Variants in CLVS2 observed in about 807,000 individuals in gnomAD.
CLVS2 encodes the protein clavesin-2.
In CLVS2, 19 loss-of-function variants were observed where a neutral mutation model predicts 29.0. The observed-to-expected ratio is 0.66, with a 90% CI of 0.46 to 0.96. The LOEUF (loss-of-function observed/expected upper bound fraction) is 0.96, where lower values mean the gene tolerates loss of function less well. Among genes scored for constraint, CLVS2 ranks in the 40% least tolerant of loss-of-function variants. The probability of loss-of-function intolerance (pLI) is 0.00; values close to 1 mark genes in which losing one functional copy is unlikely to be tolerated. For missense variants in CLVS2, 294 were observed against 404.1 expected (o/e 0.73, Z 2.34); for synonymous variants, 161 against 151.3 (o/e 1.06, Z -0.47).
chr6:123,031,769 A>T (rs1425024510), intron 3 of CLVS2, among the ~76,000 whole-genome samples: 2 of 151,652 alleles, frequency 1.3e-5, no homozygotes, highest in Admixed American at 6.6e-5. Flanking sequence ...ACACCCAGGG[A>T]TGTATTGGAA....
chr6:122,997,829 C>T lies in CLVS2; in HGVS notation c.52C>T (p.Leu18=). ...CCCTGAGACCCTGGAGAAAGCTCGC[C>T]TGGAGCTCAATGAAAACCCAGACAC... is the stretch of plus-strand genomic sequence containing the variant. ...LSPETLEKAR[L]ELNENPDTLH... Residue 18 remains leucine (L), a synonymous_variant, in exon 2 of 6, where the codon CTG becomes TTG. Transcript: ENST00000275162. 6.2e-7 allele frequency: 1 copy of T among 1,614,112 alleles called. No homozygotes were observed.
intron 3 of CLVS2, among the ~76,000 whole-genome samples, chr6:123,038,121 G>A (rs760867896): frequency 6.6e-6 from 1 of 152,076 alleles, no homozygotes; most frequent in Non-Finnish European, 1.5e-5. Flanking sequence ...TGTTCCTACT[G>A]CCCCTTCTTC....
chr6:123,055,495 C>T (rs984811911), intron 4 of CLVS2, among the ~76,000 whole-genome samples: 12 of 152,082 alleles, frequency 7.9e-5, no homozygotes, highest in South Asian at 2.1e-4. Context: ...TCAGCATGTA[C>T]GTATTATTCT....
chr6:123,047,137 G>A (rs188167203), intron 3 of CLVS2, among the ~76,000 whole-genome samples: 1 of 152,184 alleles, frequency 6.6e-6, no homozygotes, highest in Admixed American at 6.5e-5. Flanking sequence ...CAGGAAACCT[G>A]TAAGGAAACC....
rs976262827 is a variant in CLVS2 at position 123,048,705 on chromosome 6, T to A, written c.648T>A (p.Pro216=). The A allele has an allele frequency of 1.2e-6, 2 of 1,612,850 alleles. No homozygotes were observed. Among genetic ancestry groups the A allele is most frequent in the Non-Finnish European group, 1.7e-6 (2 of 1,178,962 alleles). ...YIHALYTVIR[P]FLKEKTRKRI... Reference sequence around the variant, plus strand: ...ATGCCCTGTACACCGTGATCCGGCCTTTCCTGAAGGAGAAAACTCGGAAAA... The same window carrying A: ...ATGCCCTGTACACCGTGATCCGGCCATTCCTGAAGGAGAAAACTCGGAAAA... The change falls in exon 4 of 6, where the codon CCT becomes CCA. Residue 216 remains proline (P), a synonymous_variant. Coordinates refer to ENST00000275162, the MANE Select transcript of CLVS2 (RefSeq NM_001010852.4).
chr6:123,052,188 G>A (rs1582663314), intron 4 of CLVS2, among the ~76,000 whole-genome samples: 1 of 152,172 alleles, frequency 6.6e-6, no homozygotes. Flanking sequence ...AAGTGGATAG[G>A]CTTCCCAGGT....
chr6:123,033,099 T>C (rs1376689056), intron 3 of CLVS2, among the ~76,000 whole-genome samples: 1 of 152,078 alleles, frequency 6.6e-6, no homozygotes, highest in East Asian at 1.9e-4. Flanking sequence ...CCATTTTTGG[T>C]TTAAAGGAAA....
rs1331173139 is a variant in CLVS2 at position 123,065,174 on chromosome 6, T to C, written c.*1413T>C. 2.6e-5 allele frequency: 4 copies of C among 151,932 alleles called. No homozygotes were observed. The highest frequency in any genetic ancestry group is 9.7e-5 in the African/African-American group (4 of 41,432). The allele number at this position is 151,932 out of a possible 1,614,324, so 9.4% of individuals were successfully genotyped here. A position where few individuals can be genotyped will look rare whatever the true frequency, so the allele number is the denominator to read the frequency against. The stretch of plus-strand genomic sequence containing the variant: ...TTTGCATATTTAACATTTTATTTCA[T>C]AAAATTTATACAATTACAGCAAATC... On this transcript the variant is annotated 3_prime_UTR_variant, in exon 6 of 6. Coordinates refer to ENST00000275162, the MANE Select transcript of CLVS2 (RefSeq NM_001010852.4).
chr6:123,040,792 A>AAGAAAAGAAAAGAAC, intron 3 of CLVS2, among the ~76,000 whole-genome samples: 1 of 151,566 alleles, frequency 6.6e-6, no homozygotes. Context: ...AAGAAAAGAA[A>AAGAAAAGAAAAGAAC]AGAAAAGAAA....
chr6:123,002,581 A>AGAAATAAT (rs1489073007), intron 2 of CLVS2, among the ~76,000 whole-genome samples: 5 of 148,178 alleles, frequency 3.4e-5, no homozygotes, highest in Non-Finnish European at 5.9e-5. Flanking sequence ...GAATTGTACT[A>AGAAATAAT]AAAATAATAA....
chr6:123,070,921 C>T lies in CLVS2; in HGVS notation c.*7160C>T, dbSNP rs994708448. 6.6e-6 allele frequency: 1 copy of T among 151,884 alleles called. No homozygotes were observed. Among genetic ancestry groups the T allele is most frequent in the Non-Finnish European group, 1.5e-5 (1 of 67,896 alleles). The allele number at this position is 151,884 out of a possible 1,614,324, so 9.4% of individuals were successfully genotyped here. ...ATATCCACGTGGTTTATTCCCTCAT[C>T]TTCTTCAGGTATTTGCTTAAATGTC... On this transcript the variant is annotated 3_prime_UTR_variant, in exon 6 of 6. Transcript: ENST00000275162.
At chr6:123,030,855 C>T (rs1775074868) in intron 3 of CLVS2, among the ~76,000 whole-genome samples, 2 of 148,086 alleles carry the variant, frequency 1.4e-5, no homozygotes, top group Admixed American at 6.8e-5. Flanking sequence ...TATATACACA[C>T]ACATATATAT....
At chr6:123,015,003 G>A (rs898080544) in intron 3 of CLVS2, among the ~76,000 whole-genome samples, 3 of 148,456 alleles carry the variant, frequency 2.0e-5, no homozygotes, top group Non-Finnish European at 4.4e-5. Context: ...TGAGGATTGT[G>A]GAGCTATCCT....
At chr6:123,008,057 C>T (rs1427347667) in intron 2 of CLVS2, among the ~76,000 whole-genome samples, 2 of 152,114 alleles carry the variant, frequency 1.3e-5, no homozygotes, top group Non-Finnish European at 2.9e-5. Flanking sequence ...CTGTGTAGTA[C>T]TGTTCTGCTG....
intron 3 of CLVS2, among the ~76,000 whole-genome samples, chr6:123,023,996 A>G (rs1168152927): frequency 6.6e-6 from 1 of 152,158 alleles, no homozygotes; most frequent in East Asian, 1.9e-4. Context: ...ATGCTCAAGA[A>G]GAGAATGTAA....
chr6:123,029,034 C>A (rs990766622), intron 3 of CLVS2, among the ~76,000 whole-genome samples: 1 of 152,154 alleles, frequency 6.6e-6, no homozygotes, highest in Non-Finnish European at 1.5e-5. Flanking sequence ...TTTGCTTTAT[C>A]TTTCTCTGTC....
rs779773878 is a variant in CLVS2 at position 123,063,773 on chromosome 6, C to A, written c.*12C>A. ...TTTCTCTGGACTAATAACTTCTCTA[C>A]ATCCCCTTCATGGATTAGAAATGGA... is the stretch of plus-strand genomic sequence containing the variant. On this transcript the variant is annotated 3_prime_UTR_variant, in exon 6 of 6. Transcript: ENST00000275162. The A allele has an allele frequency of 1.3e-6, 2 of 1,524,880 alleles. No individual in the cohort carries two copies. Among genetic ancestry groups the A allele is most frequent in the Admixed American group, 3.3e-5 (2 of 59,774 alleles). The allele number at this position is 1,524,880 out of a possible 1,614,324, so 94.5% of individuals were successfully genotyped here.
intron 3 of CLVS2, among the ~76,000 whole-genome samples, chr6:123,039,882 A>G (rs1353816723): frequency 6.6e-6 from 1 of 152,152 alleles, no homozygotes; most frequent in Non-Finnish European, 1.5e-5. Context: ...AAGGGAGAAT[A>G]TTTTATACAG....
rs1335657748 is a variant in CLVS2, at chr6:123,072,124, C to T, written c.*8363C>T. 3 of 152,000 alleles carry T rather than the reference C, an allele frequency of 2.0e-5. No homozygotes were observed. Among genetic ancestry groups the T allele is most frequent in the Admixed American group, 6.6e-5 (1 of 15,230 alleles). The allele number at this position is 152,000 out of a possible 1,614,324, so 9.4% of individuals were successfully genotyped here. On this transcript the variant is annotated 3_prime_UTR_variant, in exon 6 of 6. Coordinates refer to ENST00000275162, the MANE Select transcript of CLVS2 (RefSeq NM_001010852.4). Reference sequence around the variant, plus strand: ...AGTTTAACTTTTAATCCTTACCAAACATATGTTATTCCTTTTCTTCAGCTA... The same window carrying T: ...AGTTTAACTTTTAATCCTTACCAAATATATGTTATTCCTTTTCTTCAGCTA...
Sources: allele counts gnomAD v4.1 joint callset (sites outside exome capture counted in the v4.1 genomes callset), GRCh38; gene constraint gnomAD v4.1.1; transcripts MANE v1.5; gene names NCBI Gene and HGNC (gene_info 2026-07-23, HGNC 2026-07-21).